PAX5: variants seen among roughly 807,000 people sequenced by gnomAD.
PAX5 encodes paired box protein Pax-5.
A neutral mutation model predicts 43.7 loss-of-function variants in PAX5; 9 were observed. That is an observed-to-expected ratio of 0.21 (90% CI 0.12 to 0.36). PAX5 has a LOEUF of 0.36. Among genes scored for constraint, PAX5 ranks in the 10% least tolerant of loss-of-function variants. The pLI is 1.00. For synonymous variants in PAX5, 228 were observed against 214.3 expected, an observed-to-expected ratio of 1.06 and a Z score of -0.56; for missense variants, 383 against 532.7, an observed-to-expected ratio of 0.72 and a Z score of 2.77.
chr9:36,903,216 G>GA (rs2131866961), intron 7 of PAX5, among the ~76,000 whole-genome samples: 1 of 152,308 alleles, frequency 6.6e-6, no homozygotes, highest in East Asian at 1.9e-4. Context: ...GACCAAGGAA[G>GA]GAGGAAGAAA....
At chr9:37,033,130 G>A (rs1019666804) in intron 1 of PAX5, among the ~76,000 whole-genome samples, 1 of 152,250 alleles carries the variant, frequency 6.6e-6, no homozygotes, top group African/African-American at 2.4e-5. Context: ...TCATCTGCAA[G>A]GTTGTGCCTG....
chr9:36,985,189 C>T (rs765756977), intron 5 of PAX5, among the ~76,000 whole-genome samples: 10 of 152,180 alleles, frequency 6.6e-5, no homozygotes, highest in Non-Finnish European at 1.2e-4. Context: ...CCGGGTGGCA[C>T]CAGGGATCTC....
chr9:36,859,595 C>T (rs569493498), intron 8 of PAX5, among the ~76,000 whole-genome samples: 10 of 152,308 alleles, frequency 6.6e-5, no homozygotes, highest in East Asian at 3.9e-4. Context: ...CCTCCCTCCC[C>T]GGCTCCTCAC....
intron 3 of PAX5, 126 bp downstream of exon 3, chr9:37,014,871 T>C: frequency 1.2e-6 from 1 of 856,030 alleles, no homozygotes; most frequent in Admixed American, 2.2e-5. Context: ...ATCCCTCCTG[T>C]TCAGTAACCC....
intron 5 of PAX5, among the ~76,000 whole-genome samples, chr9:36,968,269 G>T (rs111752515): frequency 1.3e-5 from 2 of 152,184 alleles, no homozygotes; most frequent in Admixed American, 6.5e-5. Context: ...GACTTCATCC[G>T]TCACGTCAAG....
At chr9:36,906,011 A>G (rs1828791023) in intron 7 of PAX5, among the ~76,000 whole-genome samples, 1 of 152,178 alleles carries the variant, frequency 6.6e-6, no homozygotes, top group Non-Finnish European at 1.5e-5. Flanking sequence ...GAGAGAGTGG[A>G]GAAAGAACAG....
At chr9:36,843,502 A>G (rs1308594786) in intron 9 of PAX5, among the ~76,000 whole-genome samples, 1 of 152,200 alleles carries the variant, frequency 6.6e-6, no homozygotes, top group African/African-American at 2.4e-5. Context: ...TCCTCAATTT[A>G]CATCCGAGGC....
intron 7 of PAX5, among the ~76,000 whole-genome samples, chr9:36,904,424 T>C (rs1828649267): frequency 6.6e-6 from 1 of 152,160 alleles, no homozygotes; most frequent in African/African-American, 2.4e-5. Flanking sequence ...GGCAAACACT[T>C]CTCTGGATGG....
chr9:37,014,337 G>A (rs996080980), intron 3 of PAX5, among the ~76,000 whole-genome samples: 5 of 152,316 alleles, frequency 3.3e-5, no homozygotes, highest in African/African-American at 1.2e-4. Flanking sequence ...GAGATTCCAT[G>A]TATGAGTTGG....
intron 7 of PAX5, among the ~76,000 whole-genome samples, chr9:36,887,082 C>G (rs1303432698): frequency 6.6e-6 from 1 of 152,174 alleles, no homozygotes; most frequent in Non-Finnish European, 1.5e-5. Flanking sequence ...CCCAAAGTCA[C>G]AGAGTAAGCG....
intron 5 of PAX5, among the ~76,000 whole-genome samples, chr9:36,971,477 T>C (rs1834921314): frequency 6.6e-6 from 1 of 152,222 alleles, no homozygotes; most frequent in South Asian, 2.1e-4. Context: ...TTGGAGAATG[T>C]GGTCTTGGAG....
At chr9:36,966,884 G>A (rs1005894778) in intron 5 of PAX5, among the ~76,000 whole-genome samples, 160 bp from the exon 6 acceptor site, 4 of 152,192 alleles carry the variant, frequency 2.6e-5, no homozygotes, top group African/African-American at 9.7e-5. Context: ...CCTTTCCCAA[G>A]GTCACCTGCT....
chr9:36,985,520 G>A (rs1206077783), intron 5 of PAX5, among the ~76,000 whole-genome samples: 1 of 152,204 alleles, frequency 6.6e-6, no homozygotes, highest in African/African-American at 2.4e-5. Flanking sequence ...CACTGAGGGC[G>A]TCTGGGACGA....
At chr9:36,959,073 T>A (rs1166284593) in intron 6 of PAX5, among the ~76,000 whole-genome samples, 1 of 152,240 alleles carries the variant, frequency 6.6e-6, no homozygotes, top group Non-Finnish European at 1.5e-5. Flanking sequence ...TGATGCAGAC[T>A]GACCCTCTTT....
intron 7 of PAX5, among the ~76,000 whole-genome samples, chr9:36,902,896 C>T (rs182949112): frequency 1.3e-5 from 2 of 152,294 alleles, no homozygotes; most frequent in East Asian, 3.9e-4. Context: ...GCTGCCAATC[C>T]AGCTAGAAAA....
intron 8 of PAX5, among the ~76,000 whole-genome samples, chr9:36,859,610 C>T (rs1824002392): frequency 6.6e-6 from 1 of 152,204 alleles, no homozygotes. Flanking sequence ...CCTCACCCTT[C>T]CTCACTGTGT....
chr9:36,905,105 A>G (rs1310413444), intron 7 of PAX5, among the ~76,000 whole-genome samples: 1 of 152,218 alleles, frequency 6.6e-6, no homozygotes, highest in Non-Finnish European at 1.5e-5. Flanking sequence ...ACATGCACTG[A>G]AGGCACATGG....
intron 2 of PAX5, among the ~76,000 whole-genome samples, chr9:37,017,678 TC>T (rs946807467): frequency 6.6e-6 from 1 of 151,724 alleles, no homozygotes; most frequent in Non-Finnish European, 1.5e-5. Flanking sequence ...AAGCTGAAGG[TC>T]CCCCCCAGCC....
intron 6 of PAX5, among the ~76,000 whole-genome samples, chr9:36,965,791 A>T (rs1834377197): frequency 6.6e-6 from 1 of 152,148 alleles, no homozygotes; most frequent in Admixed American, 6.5e-5. Context: ...CTGCAAGGTT[A>T]CCTGTCAAGG....
Sources: allele counts gnomAD v4.1 joint callset (sites outside exome capture counted in the v4.1 genomes callset), GRCh38; gene constraint gnomAD v4.1.1; transcripts MANE v1.5; gene names NCBI Gene and HGNC (gene_info 2026-07-23, HGNC 2026-07-21).